Variants in IQGAP1 observed in about 807,000 individuals in gnomAD.
IQGAP1 encodes IQ motif containing GTPase activating protein 1.
IQGAP1 carries 66 observed loss-of-function variants against 215.6 expected under a neutral mutation model. The observed-to-expected ratio is 0.31, with a 90% CI of 0.25 to 0.38. IQGAP1 has a LOEUF of 0.38. Ranked by LOEUF, IQGAP1 falls within the 10% of genes least tolerant of loss-of-function variation. The pLI, the probability that IQGAP1 is intolerant of heterozygous loss-of-function variation, is 1.00. For synonymous variants in IQGAP1, 772 were observed against 728.7 expected (o/e 1.06, Z -0.96); for missense variants, 1,712 against 1,997.1 (o/e 0.86, Z 2.72).
intron 23 of IQGAP1, among the ~76,000 whole-genome samples, chr15:90,476,426 T>G (rs886559016): frequency 2.6e-5 from 4 of 152,210 alleles, no homozygotes; most frequent in African/African-American, 9.6e-5. Context: ...CTGCTGGAAG[T>G]TGGTTTGCCA....
At chr15:90,446,397 C>G (rs772485144) in intron 9 of IQGAP1, among the ~76,000 whole-genome samples, 2 of 152,078 alleles carry the variant, frequency 1.3e-5, no homozygotes, top group Non-Finnish European at 2.9e-5. Context: ...GATAGACATA[C>G]AAATGAGTAC....
At chr15:90,450,870 C>T (rs188626502) in intron 11 of IQGAP1, among the ~76,000 whole-genome samples, 41 of 127,998 alleles carry the variant, frequency 3.2e-4, no homozygotes, top group African/African-American at 1.2e-3. Context: ...TTATTGTTCT[C>T]TTCTCAGATG....
rs1440320762 is a variant in IQGAP1 at position 90,481,990 on chromosome 15, G to A, written c.3360G>A (p.Gln1120=). 1 of 1,614,122 alleles carries A rather than the reference G, an allele frequency of 6.2e-7. No homozygotes were observed. Among genetic ancestry groups the A allele is most frequent in the African/African-American group, 1.3e-5 (1 of 74,944 alleles). Residue 1120 remains glutamine, a synonymous_variant, in exon 27 of 38, where the codon CAG becomes CAA. Coordinates refer to ENST00000268182, the MANE Select transcript of IQGAP1 (RefSeq NM_003870.4). ...TGCCCTATGATGTGACCCCTGAGCA[G>A]GCGCTAGCTCATGAAGAAGTGAAGA... ...SKLPYDVTPE[Q]ALAHEEVKTR...
intron 5 of IQGAP1, among the ~76,000 whole-genome samples, chr15:90,438,150 CTG>C (rs1965395965): frequency 6.6e-6 from 1 of 152,168 alleles, no homozygotes; most frequent in South Asian, 2.1e-4. Context: ...TTTACAAAAA[CTG>C]TATACCACTT....
intron 2 of IQGAP1, among the ~76,000 whole-genome samples, chr15:90,415,062 A>G (rs1965026043): frequency 6.6e-6 from 1 of 152,218 alleles, no homozygotes; most frequent in Non-Finnish European, 1.5e-5. Context: ...ATTGTGTGTC[A>G]GAATGTGGGG....
chr15:90,445,847 GTTT>G lies in IQGAP1; in HGVS notation c.913+2381_913+2383del, dbSNP rs11320197. ...CCTGACCAGCATTCTTTTTTTTTGGGTTTTTTTTTTTTTTGGAGACAGAGCCCA... is the reference window on the plus strand; with the variant it reads ...CCTGACCAGCATTCTTTTTTTTTGGGTTTTTTTTTTTGGAGACAGAGCCCA... On this transcript the variant is annotated intron_variant, in intron 9 of 37. Transcript: ENST00000268182. 3.5e-3 allele frequency among the ~76,000 whole-genome samples: 497 copies of G among 140,730 alleles called. 2 individuals carry two copies. Among genetic ancestry groups the G allele is most frequent in the East Asian group, 0.018 (87 of 4,786 alleles). The allele number at this position is 140,730 out of a possible 152,430, so 92.3% of individuals were successfully genotyped here. A position where few individuals can be genotyped will look rare whatever the true frequency, so the allele number is the denominator to read the frequency against.
intron 37 of IQGAP1, among the ~76,000 whole-genome samples, chr15:90,498,835 G>A (rs1395025157): frequency 8.4e-6 from 1 of 119,712 alleles, no homozygotes; most frequent in African/African-American, 3.0e-5. Flanking sequence ...TTTTGAGACA[G>A]TTTCGCTCTT....
rs1388152554 is a variant in IQGAP1, at chr15:90,487,047, G to A, written c.4118G>A (p.Gly1373Glu). The change falls in exon 32 of 38, where the codon GGA (glycine) becomes GAA (glutamate). Residue 1373 changes from glycine (G) to glutamate (E), a missense_variant. Gly to Glu is a moderately conservative substitution (Grantham distance 98). Around this residue, in one of 2 missense-constraint regions of IQGAP1, gnomAD observed 691 missense variants for 923.0 expected, o/e 0.75. Coordinates refer to ENST00000268182, the MANE Select transcript of IQGAP1 (RefSeq NM_003870.4). ...CTGACCAACAAGTTCGACGTGCCTG[G>A]AGATGAGAATGCAGAAATGGATGCT... is the stretch of plus-strand genomic sequence containing the variant. ...LTLTNKFDVP[G>E]DENAEMDART... 7 of 1,614,050 alleles carry A rather than the reference G, an allele frequency of 4.3e-6. No homozygotes were observed. Among genetic ancestry groups the A allele is most frequent in the Non-Finnish European group, 5.9e-6 (7 of 1,180,024 alleles).
chr15:90,406,882 C>T (rs568307150), intron 2 of IQGAP1, among the ~76,000 whole-genome samples: 23 of 151,968 alleles, frequency 1.5e-4, no homozygotes, highest in Non-Finnish European at 3.1e-4. Context: ...TGGTGGGAAA[C>T]GAAAACAAAA....
At chr15:90,424,498 T>C (rs957467405) in intron 2 of IQGAP1, among the ~76,000 whole-genome samples, 1 of 152,216 alleles carries the variant, frequency 6.6e-6, no homozygotes, top group African/African-American at 2.4e-5. Flanking sequence ...TCAGGCTTCA[T>C]GTGTTAGAGA....
Position 90,429,601 on chromosome 15 carries a change from C to A in IQGAP1, c.325C>A (p.His109Asn). The change falls in exon 4 of 38, where the codon CAC becomes AAC. Residue 109 changes from histidine to asparagine, a missense_variant. Transcript: ENST00000268182. ...TTTTTTTTTCTAGGCGACTGGCCTC[C>A]ACTTTAGACACACTGATAATGTGAT... ...EQTRYKATGL[H>N]FRHTDNVIQW... 1.9e-6 allele frequency: 3 copies of A among 1,597,710 alleles called. No homozygotes were observed. Among genetic ancestry groups the A allele is most frequent in the Non-Finnish European group, 2.6e-6 (3 of 1,175,262 alleles).
At chr15:90,428,331 C>T (rs1475348072) in intron 3 of IQGAP1, among the ~76,000 whole-genome samples, 1 of 152,110 alleles carries the variant, frequency 6.6e-6, no homozygotes, top group Non-Finnish European at 1.5e-5. Context: ...CCCACCTTGG[C>T]CTCTCAAAGT....
chr15:90,449,722 C>T (rs1965575084), intron 11 of IQGAP1, 79 bp downstream of exon 11: 6 of 1,169,026 alleles, frequency 5.1e-6, no homozygotes, highest in East Asian at 2.6e-5. Flanking sequence ...CTTCTGTCAT[C>T]GTCATCACCC....
chr15:90,403,039 G>T (rs1964825791), intron 2 of IQGAP1, among the ~76,000 whole-genome samples: 1 of 152,148 alleles, frequency 6.6e-6, no homozygotes, highest in Admixed American at 6.5e-5. Context: ...CGGAGGCCGA[G>T]GAGGGAGGAT....
intron 9 of IQGAP1, among the ~76,000 whole-genome samples, chr15:90,446,009 A>G (rs1241120541): frequency 2.0e-5 from 3 of 152,078 alleles, no homozygotes; most frequent in African/African-American, 7.2e-5. Flanking sequence ...TTCATTTAGG[A>G]TAATGACCTT....
chr15:90,390,373 G>T (rs907099092), intron 1 of IQGAP1, among the ~76,000 whole-genome samples: 1 of 152,174 alleles, frequency 6.6e-6, no homozygotes, highest in Non-Finnish European at 1.5e-5. Context: ...GAGAATGCGT[G>T]TAAAATGCTT....
At position 90,452,930 on chromosome 15, in the gene IQGAP1, A is replaced by C; in HGVS notation, c.1318A>C (p.Ser440Arg). Residue 440 changes from serine (S) to arginine (R), a missense_variant, in exon 12 of 38, where the codon AGT (serine) becomes CGT (arginine). Coordinates refer to ENST00000268182, the MANE Select transcript of IQGAP1 (RefSeq NM_003870.4). ...QKELATLQRQ[S>R]PEHNLTHPEL... ...GGAGCTGGCTACCCTGCAGCGACAA[A>C]GTCCTGAAGTGAGTTCACTAAACCT... 6.2e-7 allele frequency: 1 copy of C among 1,613,882 alleles called. No homozygotes were observed. The highest frequency in any genetic ancestry group is 8.5e-7 in the Non-Finnish European group (1 of 1,179,970).
At chr15:90,453,852 T>G (rs956974481) in intron 13 of IQGAP1, among the ~76,000 whole-genome samples, 1 of 152,242 alleles carries the variant, frequency 6.6e-6, no homozygotes, top group Non-Finnish European at 1.5e-5. Context: ...TTTGATGATG[T>G]GTATTTCATA....
chr15:90,395,358 T>C (rs954618647), intron 2 of IQGAP1, among the ~76,000 whole-genome samples: 8 of 152,080 alleles, frequency 5.3e-5, no homozygotes, highest in Non-Finnish European at 1.0e-4. Flanking sequence ...TCTCGCTCTG[T>C]CGCCCGGGCC....
Sources: gnomAD v4.1 joint callset for allele counts (sites outside exome capture counted in the v4.1 genomes callset) on GRCh38, gnomAD v4.1.1 for gene constraint, gnomAD v4.1.1 regional missense constraint, MANE v1.5 for transcripts, NCBI Gene and HGNC (gene_info 2026-07-23, HGNC 2026-07-21) for gene names.